Variants in CPS1 observed in about 807,000 individuals in gnomAD.
CPS1 encodes the protein carbamoyl-phosphate synthase 1.
In CPS1, 109 loss-of-function variants were observed where a neutral mutation model predicts 174.6. That is an observed-to-expected ratio of 0.62 (90% CI 0.53 to 0.73). The LOEUF (loss-of-function observed/expected upper bound fraction) is 0.73, where lower values mean the gene tolerates loss of function less well. CPS1 is among the 30% of genes least tolerant of loss of function. The pLI, the probability that CPS1 is intolerant of heterozygous loss-of-function variation, is 0.00. For synonymous variants in CPS1, 637 were observed against 632.0 expected, an observed-to-expected ratio of 1.01 and a Z score of -0.12; for missense variants, 1,689 against 1,821.9, an observed-to-expected ratio of 0.93 and a Z score of 1.33.
intron 33 of CPS1, among the ~76,000 whole-genome samples, chr2:210,667,865 C>T (rs998684130): frequency 4.6e-5 from 7 of 152,312 alleles, no homozygotes; most frequent in Admixed American, 1.3e-4. Flanking sequence ...ATCCAAATAA[C>T]TCTCAGTAGA....
At chr2:210,608,317 T>A in intron 18 of CPS1, 44 bp from the exon 19 acceptor site, 1 of 1,587,204 alleles carries the variant, frequency 6.3e-7, no homozygotes, top group Non-Finnish European at 8.6e-7. Flanking sequence ...CTGTTTTCAA[T>A]AATTGCTCGA....
At chr2:210,612,045 G>A (rs539667887) in intron 19 of CPS1, 72 bp from the exon 20 acceptor site, 75 of 1,286,632 alleles carry the variant, frequency 5.8e-5, no homozygotes, top group Middle Eastern at 3.8e-4. Context: ...TATATTTTAC[G>A]TCCAGTTCAG....
chr2:210,616,018 A>G (rs1452942020), intron 20 of CPS1, among the ~76,000 whole-genome samples: 4 of 152,034 alleles, frequency 2.6e-5, no homozygotes, highest in Non-Finnish European at 5.9e-5. Context: ...TATCAACACT[A>G]CAAGTTAAGA....
At chr2:210,548,690 T>A (rs1315867392) in intron 1 of CPS1, among the ~76,000 whole-genome samples, 2 of 151,996 alleles carry the variant, frequency 1.3e-5, no homozygotes, top group East Asian at 1.9e-4. Context: ...TTCTTCTTTT[T>A]TTTCCCCTCT....
At chr2:210,614,308 G>A (rs1349361116) in intron 20 of CPS1, among the ~76,000 whole-genome samples, 2 of 151,698 alleles carry the variant, frequency 1.3e-5, no homozygotes, top group East Asian at 1.9e-4. Flanking sequence ...ATTGATGGGC[G>A]TTTGGGTTGG....
At position 210,591,986 on chromosome 2, in the gene CPS1, A is replaced by G; in HGVS notation, c.1086+17A>G. 19 of 1,608,694 alleles carry G rather than the reference A, an allele frequency of 1.2e-5. No individual in the cohort carries two copies. The highest frequency in any genetic ancestry group is 1.6e-5 in the Non-Finnish European group (19 of 1,177,854). On this transcript the variant is annotated intron_variant, in intron 10 of 37. Transcript: ENST00000233072. Reference sequence around the variant, plus strand: ...ACAAATGAGGTAAATGATGTCAATAAACCTGTTCAGTTGGTGATGAGAAAC... The same window carrying G: ...ACAAATGAGGTAAATGATGTCAATAGACCTGTTCAGTTGGTGATGAGAAAC...
intron 21 of CPS1, among the ~76,000 whole-genome samples, chr2:210,627,819 TA>T (rs1417408994): frequency 6.6e-6 from 1 of 152,168 alleles, no homozygotes; most frequent in Non-Finnish European, 1.5e-5. Flanking sequence ...TTTGCTCTTC[TA>T]AACTTCTCCT....
chr2:210,650,772 G>T (rs190271036), intron 28 of CPS1, among the ~76,000 whole-genome samples: 166 of 152,246 alleles, frequency 1.1e-3, no homozygotes, highest in Admixed American at 4.9e-3. Context: ...TTAGATGCTG[G>T]TCAGGGTATT....
intron 2 of CPS1, 47 bp from the exon 3 acceptor site, chr2:210,576,299 T>A (rs977881525): frequency 3.8e-6 from 6 of 1,593,172 alleles, no homozygotes; most frequent in African/African-American, 2.7e-5. Flanking sequence ...TATAGCTTTG[T>A]AGTTACATAC....
At chr2:210,654,456 G>A (rs1700648445) in intron 29 of CPS1, among the ~76,000 whole-genome samples, 1 of 152,062 alleles carries the variant, frequency 6.6e-6, no homozygotes, top group Admixed American at 6.5e-5. Flanking sequence ...TCTTTCTGAA[G>A]TTCCCAATCG....
rs138254425 is a variant in CPS1, at chr2:210,594,557, C to T, written c.1214C>T (p.Thr405Ile). ...FSLIKKGKATTITSVLPKPAL... is the reference protein window; with the variant it reads ...FSLIKKGKATIITSVLPKPAL... ...CTGATAAAGAAAGGAAAAGCTACCACCATTACATCAGTCTTACCGAAGCCA... is the reference window on the plus strand; with the variant it reads ...CTGATAAAGAAAGGAAAAGCTACCATCATTACATCAGTCTTACCGAAGCCA... The change falls in exon 12 of 38, where the codon ACC becomes ATC. Residue 405 changes from threonine to isoleucine, a missense_variant. Transcript: ENST00000233072. The T allele has an allele frequency of 1.9e-6, 3 of 1,611,362 alleles. No individual in the cohort carries two copies. Among genetic ancestry groups the T allele is most frequent in the Middle Eastern group, 1.7e-4 (1 of 6,034 alleles).
At chr2:210,650,484 T>C (rs778612135) in intron 28 of CPS1, 46 bp downstream of exon 28, 4 of 1,269,994 alleles carry the variant, frequency 3.1e-6, no homozygotes, top group Non-Finnish European at 4.6e-6. Context: ...TTAATAAACA[T>C]GTAGTGACAT....
chr2:210,586,996 A>C (rs1698133138), intron 6 of CPS1, among the ~76,000 whole-genome samples: 1 of 152,054 alleles, frequency 6.6e-6, no homozygotes, highest in Non-Finnish European at 1.5e-5. Context: ...TACTTTTTCA[A>C]ATTATTTGAT....
chr2:210,586,259 A>C (rs1440125734), intron 6 of CPS1, among the ~76,000 whole-genome samples: 1 of 151,998 alleles, frequency 6.6e-6, no homozygotes, highest in East Asian at 1.9e-4. Context: ...GTTGTTAAAG[A>C]AAATCAATTT....
intron 21 of CPS1, chr2:210,617,621 A>G (rs1461392029): frequency 1.1e-4 from 17 of 151,922 alleles, no homozygotes; most frequent in Non-Finnish European, 1.5e-4. Flanking sequence ...TTTTTCATCT[A>G]TTTAATTATT....
At chr2:210,538,387 G>T (rs1696314382) in intron 1 of CPS1, among the ~76,000 whole-genome samples, 1 of 152,038 alleles carries the variant, frequency 6.6e-6, no homozygotes, top group Non-Finnish European at 1.5e-5. Context: ...CCAGAATGGA[G>T]GTTCAGTTGA....
chr2:210,543,302 G>A (rs1487259385), intron 1 of CPS1, among the ~76,000 whole-genome samples: 1 of 151,894 alleles, frequency 6.6e-6, no homozygotes, highest in African/African-American at 2.4e-5. Context: ...ACTATAAATG[G>A]CAAATCAATA....
chr2:210,636,464 T>A (rs1328508526), intron 21 of CPS1, among the ~76,000 whole-genome samples: 1 of 151,864 alleles, frequency 6.6e-6, no homozygotes, highest in African/African-American at 2.4e-5. Context: ...CTTCATTTAT[T>A]TATTTTCATA....
upstream of CPS1, among the ~76,000 whole-genome samples, chr2:210,554,829 C>T (rs1696851908): frequency 1.0e-5 from 1 of 98,844 alleles, no homozygotes; most frequent in South Asian, 4.1e-4. Flanking sequence ...GGAAAGACAA[C>T]CCTCACTACA....
Sources: allele counts gnomAD v4.1 joint callset (sites outside exome capture counted in the v4.1 genomes callset), GRCh38; gene constraint gnomAD v4.1.1; transcripts MANE v1.5; gene names NCBI Gene and HGNC (gene_info 2026-07-23, HGNC 2026-07-21).